The following EPHB4 variants were observed in gnomAD, a reference collection of about 807,000 sequenced individuals.
EPHB4 encodes the protein EPH receptor B4.
EPHB4 carries 50 observed loss-of-function variants against 110.6 expected under a neutral mutation model. The ratio of observed to expected loss-of-function variants is 0.45; its 90% confidence interval spans 0.36 to 0.57. The LOEUF (loss-of-function observed/expected upper bound fraction) is 0.57. EPHB4 is among the 20% of genes least tolerant of loss of function. The pLI, the probability that EPHB4 is intolerant of heterozygous loss-of-function variation, is 0.00. For missense variants in EPHB4, 1,128 were observed against 1,382.1 expected (o/e 0.82, Z 2.91); for synonymous variants, 592 against 578.4 (o/e 1.02, Z -0.34).
Position 100,823,641 on chromosome 7 carries a change from T to C in EPHB4, c.411+3A>G. On this transcript the variant is annotated splice_donor_region_variant and intron_variant, in intron 3 of 16. Coordinates refer to ENST00000358173, the MANE Select transcript of EPHB4 (RefSeq NM_004444.5). ...TGGCTGAGCCCTGGGGGCACCCAGG[T>C]ACCTTGATGTAGGGGTTCTCCATCC... The C allele has an allele frequency of 1.2e-6, 2 of 1,610,442 alleles. No individual in the cohort carries two copies. The highest frequency in any genetic ancestry group is 8.5e-7 in the Non-Finnish European group (1 of 1,177,936).
At chr7:100,815,611 G>A (rs1270433617) in intron 8 of EPHB4, among the ~76,000 whole-genome samples, 1 of 152,160 alleles carries the variant, frequency 6.6e-6, no homozygotes, top group Non-Finnish European at 1.5e-5. Context: ...GTCATCGATT[G>A]TACACTTTGA....
At chr7:100,816,976 G>A (rs1288929537) in intron 8 of EPHB4, among the ~76,000 whole-genome samples, 1 of 151,870 alleles carries the variant, frequency 6.6e-6, no homozygotes, top group African/African-American at 2.4e-5. Flanking sequence ...CCAGCTACTC[G>A]GGAGGCTGAG....
At chr7:100,807,260 C>T in intron 13 of EPHB4, 105 bp downstream of exon 13, 2 of 1,191,164 alleles carry the variant, frequency 1.7e-6, no homozygotes, top group South Asian at 1.4e-5. Context: ...CTCCTGTATC[C>T]TCTCCCTGGA....
At chr7:100,823,511 C>G (rs372813160) in intron 3 of EPHB4, 133 bp downstream of exon 3, 2 of 1,226,670 alleles carry the variant, frequency 1.6e-6, no homozygotes. Flanking sequence ...CTCCCCAGAC[C>G]TAAGCCTCCT....
Position 100,817,362 on chromosome 7 carries a change from C to T in EPHB4, c.1423-5G>A, listed in dbSNP as rs1241925603. ...GCTGCTGGGACCCTCGGCGCCCTGT[C>T]CGGGAGAGGTAGTGGGGTGGCCGTC... On this transcript the variant is annotated splice_polypyrimidine_tract_variant and splice_region_variant and intron_variant, in intron 7 of 16. Transcript: ENST00000358173. 3 of 1,557,194 alleles carry T rather than the reference C, an allele frequency of 1.9e-6. No individual in the cohort carries two copies. Among genetic ancestry groups the T allele is most frequent in the Non-Finnish European group, 2.6e-6 (3 of 1,154,362 alleles).
At position 100,822,391 on chromosome 7, in the gene EPHB4, C is replaced by G; in HGVS notation, c.688G>C (p.Ala230Pro). The G allele has an allele frequency of 6.4e-7, 1 of 1,572,066 alleles. No homozygotes were observed. The highest frequency in any genetic ancestry group is 8.6e-7 in the Non-Finnish European group (1 of 1,157,332). Residue 230 changes from alanine to proline, a missense_variant, in exon 4 of 17, where the codon GCC becomes CCC. This residue lies in a region of EPHB4 where 728 missense variants were observed against 828.6 expected (regional missense o/e 0.88). Transcript: ENST00000358173. This position sits in a 1 kb window ranked among gnomAD's most constrained non-coding sequence, Gnocchi z 4.7. ...AGSCVVDAVP[A>P]PGPSPSLYCR... ...TAGAGGCTGGGGCTGGGGCCAGGGG[C>G]GGGGACGGCATCCACCACGCAGCTA...
Position 100,819,780 on chromosome 7 carries a change from G to A in EPHB4, c.1074C>T (p.Ala358=), listed in dbSNP as rs1193305521. The A allele has an allele frequency of 2.5e-6, 4 of 1,584,618 alleles. No individual in the cohort carries two copies. Among genetic ancestry groups the A allele is most frequent in the East Asian group, 2.3e-5 (1 of 42,994 alleles). ...ESGGREDLTY[A]LRCRECRPGG... ...CGGGTCGGCACTCCCGGCAGCGGAG[G>A]GCGTAGGTGAGGTCCTCTCGGCCAC... is the stretch of plus-strand genomic sequence containing the variant. The change falls in exon 6 of 17, where the codon GCC becomes GCT. Residue 358 remains alanine, a synonymous_variant. Transcript: ENST00000358173.
chr7:100,816,805 C>T (rs73413159), intron 8 of EPHB4, among the ~76,000 whole-genome samples: 10,631 of 149,390 alleles, frequency 0.071, 1,548 homozygotes, highest in East Asian at 0.58. Context: ...GGACTTTGAC[C>T]GGGTGCAGTG....
rs1298805053 is a variant in EPHB4, at chr7:100,803,384, C to T, written c.*77G>A. The T allele has an allele frequency of 8.5e-6, 12 of 1,417,202 alleles. No homozygotes were observed. Among genetic ancestry groups the T allele is most frequent in the Non-Finnish European group, 1.1e-5 (12 of 1,067,098 alleles). 87.8% of individuals were successfully genotyped at this position (1,417,202 alleles called of 1,614,324 possible). ...AAGTGCAATCCAGCGGGGCACAGGG[C>T]TGGGGGCCTCTGTGAGTCCCCACTC... is the stretch of plus-strand genomic sequence containing the variant. On this transcript the variant is annotated 3_prime_UTR_variant, in exon 17 of 17. Transcript: ENST00000358173.
rs774257194 is a variant in EPHB4, at chr7:100,807,591, G to C, written c.2119-11C>G. ...CTGTCCGTCGTTTAGCTGGAGAGCAGATAGGGTGGGGGCTTGGTGAGGACA... is the reference window on the plus strand; with the variant it reads ...CTGTCCGTCGTTTAGCTGGAGAGCACATAGGGTGGGGGCTTGGTGAGGACA... On this transcript the variant is annotated splice_polypyrimidine_tract_variant and intron_variant, in intron 12 of 16. Coordinates refer to ENST00000358173, the MANE Select transcript of EPHB4 (RefSeq NM_004444.5). The C allele has an allele frequency of 5.6e-6, 9 of 1,610,862 alleles. No homozygotes were observed. In the South Asian group the frequency reaches 7.7e-5, roughly 14 times the overall value.
chr7:100,804,776 T>A (rs1039359908), intron 16 of EPHB4, among the ~76,000 whole-genome samples: 8 of 152,102 alleles, frequency 5.3e-5, no homozygotes, highest in African/African-American at 1.9e-4. Context: ...ACATAAAAGC[T>A]GAAGAGGATC....
chr7:100,812,788 T>C lies in EPHB4; in HGVS notation c.2077A>G (p.Thr693Ala). Reference sequence around the variant, plus strand: ...AGGGCGCCGTTCTCCATGAACTCTGTGAGAATCATGACGGGCATGCTGTTG... The same window carrying C: ...AGGGCGCCGTTCTCCATGAACTCTGCGAGAATCATGACGGGCATGCTGTTG... ...VTNSMPVMIL[T>A]EFMENGALDS... The change falls in exon 12 of 17, where the codon ACA becomes GCA. Residue 693 changes from threonine (T) to alanine (A), a missense_variant. Physicochemically the swap from Thr to Ala is moderately conservative, Grantham distance 58. This residue lies in a region of EPHB4 where 191 missense variants were observed against 313.0 expected (regional missense o/e 0.61). Coordinates refer to ENST00000358173, the MANE Select transcript of EPHB4 (RefSeq NM_004444.5). 1.2e-6 allele frequency: 2 copies of C among 1,614,092 alleles called. No homozygotes were observed. The highest frequency in any genetic ancestry group is 1.7e-6 in the Non-Finnish European group (2 of 1,180,030).
At chr7:100,816,855 G>C (rs1045224484) in intron 8 of EPHB4, among the ~76,000 whole-genome samples, 1 of 152,044 alleles carries the variant, frequency 6.6e-6, no homozygotes, top group Middle Eastern at 3.4e-3. Context: ...AGGCCGAGGC[G>C]GGCGAATCAC....
At position 100,812,722 on chromosome 7, in the gene EPHB4, C is replaced by T. The variant is rs200535187; in HGVS notation, c.2118+25G>A. The T allele has an allele frequency of 6.6e-5, 106 of 1,600,988 alleles. No individual in the cohort carries two copies. The East Asian group carries it at 1.1e-3, about 17-fold the overall frequency. ...GGTGTAAGTGGGAACTCCGGGTGGC[C>T]GCAGAAGCCAGGGAGGGTGCTCACC... On this transcript the variant is annotated intron_variant, in intron 12 of 16. Coordinates refer to ENST00000358173, the MANE Select transcript of EPHB4 (RefSeq NM_004444.5).
Position 100,824,206 on chromosome 7 carries a change from C to T in EPHB4, c.120G>A (p.Gly40=). 2 of 1,614,152 alleles carry T rather than the reference C, an allele frequency of 1.2e-6. No homozygotes were observed. The highest frequency in any genetic ancestry group is 1.7e-6 in the Non-Finnish European group (2 of 1,180,004). ...AGCTCCTGGGTGCAGCTCTCACCTG[C>T]CCGTCCACCTGAGGGAATGTCACCC... ...LKWVTFPQVD[G]QWEELSGLDE... is the part of the protein sequence containing the mutation. The change falls in exon 2 of 17, where the codon GGG becomes GGA. Residue 40 remains glycine, a synonymous_variant. Coordinates refer to ENST00000358173, the MANE Select transcript of EPHB4 (RefSeq NM_004444.5).
intron 13 of EPHB4, 104 bp from the exon 14 acceptor site, chr7:100,806,673 A>G (rs1812824497): frequency 1.3e-5 from 18 of 1,367,674 alleles, no homozygotes; most frequent in Non-Finnish European, 1.7e-5. Flanking sequence ...TTTTCCCCCT[A>G]GCTCAGGCCC....
chr7:100,804,737 T>TGGGA (rs1812777624), intron 16 of EPHB4, among the ~76,000 whole-genome samples: 1 of 152,192 alleles, frequency 6.6e-6, no homozygotes, highest in African/African-American at 2.4e-5. Context: ...ACGCAGCCTT[T>TGGGA]GGGAGGCAAG....
chr7:100,804,308 C>CTTTT lies in EPHB4; in HGVS notation c.2835-722_2835-719dup, dbSNP rs11338293. On this transcript the variant is annotated intron_variant, in intron 16 of 16. Transcript: ENST00000358173. ...GAGCCACCACCTGGCCTTCACATTT[C>CTTTT]TTTTTTTTTTTTTTTTTTTTTTTTG... 3.4e-3 allele frequency among the ~76,000 whole-genome samples: 240 copies of CTTTT among 71,552 alleles called. 1 individual carries two copies. The highest frequency in any genetic ancestry group is 4.3e-3 in the Non-Finnish European group (164 of 38,554). The allele number at this position is 71,552 out of a possible 152,430, so 46.9% of individuals were successfully genotyped here. A position where few individuals can be genotyped will look rare whatever the true frequency, so the allele number is the denominator to read the frequency against.
At chr7:100,809,616 T>A (rs1584655793) in intron 12 of EPHB4, among the ~76,000 whole-genome samples, 1 of 152,088 alleles carries the variant, frequency 6.6e-6, no homozygotes, top group East Asian at 1.9e-4. Context: ...CAGGCTTAAG[T>A]GATCCTCCCG....
Sources: gnomAD v4.1 joint callset for allele counts (sites outside exome capture counted in the v4.1 genomes callset) on GRCh38, gnomAD v4.1.1 for gene constraint, gnomAD v4.1.1 regional missense constraint, Gnocchi (gnomAD v3.1) non-coding constraint, MANE v1.5 for transcripts, NCBI Gene and HGNC (gene_info 2026-07-23, HGNC 2026-07-21) for gene names.